The following ADGRL3 variants were observed in gnomAD, a reference collection of about 807,000 sequenced individuals.
ADGRL3 encodes calcium-independent alpha-latrotoxin receptor 3.
A neutral mutation model predicts 153.5 loss-of-function variants in ADGRL3; 62 were observed. That is an observed-to-expected ratio of 0.40 (90% CI 0.33 to 0.50). ADGRL3 has a LOEUF of 0.50. ADGRL3 is among the 20% of genes least tolerant of loss of function. ADGRL3 has a pLI of 0.47. For missense variants in ADGRL3, 1,641 were observed against 1,859.4 expected (o/e 0.88, Z 2.16); for synonymous variants, 710 against 672.5 (o/e 1.06, Z -0.86).
chr4:61,209,469 C>A (rs1442761275), intron 1 of ADGRL3, among the ~76,000 whole-genome samples: 1 of 151,908 alleles, frequency 6.6e-6, no homozygotes, highest in African/African-American at 2.4e-5. Context: ...TCCTTGAGTA[C>A]CATTATTAAG....
At chr4:61,568,014 G>A (rs1168808250) in intron 4 of ADGRL3, among the ~76,000 whole-genome samples, 2 of 152,068 alleles carry the variant, frequency 1.3e-5, no homozygotes, top group Non-Finnish European at 2.9e-5. Context: ...GAAGTAAATT[G>A]AGTCTAATTA....
At chr4:61,704,791 A>G (rs1197845827) in intron 6 of ADGRL3, among the ~76,000 whole-genome samples, 2 of 152,200 alleles carry the variant, frequency 1.3e-5, no homozygotes, top group Non-Finnish European at 2.9e-5. Flanking sequence ...CATTTCAACA[A>G]TGTTCACAAC....
At chr4:61,626,056 G>C (rs1347020734) in intron 5 of ADGRL3, among the ~76,000 whole-genome samples, 1 of 151,532 alleles carries the variant, frequency 6.6e-6, no homozygotes, top group East Asian at 1.9e-4. Context: ...ATATTTACAT[G>C]GCTTTCTATT....
intron 2 of ADGRL3, among the ~76,000 whole-genome samples, chr4:61,436,373 A>G (rs1238713895): frequency 6.6e-6 from 1 of 152,188 alleles, no homozygotes. Flanking sequence ...CATATGAAAA[A>G]TATACATTTA....
chr4:61,427,159 G>T (rs2097293268), intron 2 of ADGRL3: 1 of 152,348 alleles, frequency 6.6e-6, no homozygotes, highest in Non-Finnish European at 1.5e-5. Flanking sequence ...CATGTGGGAG[G>T]GAAAGCATTC....
At chr4:61,694,179 A>ATTTTTTTT (rs554084495) in intron 6 of ADGRL3, among the ~76,000 whole-genome samples, 5 of 26,702 alleles carry the variant, frequency 1.9e-4, no homozygotes, top group Non-Finnish European at 2.8e-4. Context: ...TTTTGTCATT[A>ATTTTTTTT]TTTTTTTTTT....
intron 1 of ADGRL3, among the ~76,000 whole-genome samples, chr4:61,355,977 T>C: frequency 6.6e-6 from 1 of 152,202 alleles, no homozygotes; most frequent in South Asian, 2.1e-4. Flanking sequence ...TAATAATTTA[T>C]AATGTATTTG....
intron 1 of ADGRL3, among the ~76,000 whole-genome samples, chr4:61,376,392 G>GTT (rs34714371): frequency 0.02 from 2,999 of 149,264 alleles, 100 homozygotes; most frequent in African/African-American, 0.068. Context: ...GTTAAATGCT[G>GTT]TTTTTTTTTT....
chr4:61,332,873 G>C (rs2150991792), intron 1 of ADGRL3, among the ~76,000 whole-genome samples: 1 of 152,126 alleles, frequency 6.6e-6, no homozygotes, highest in South Asian at 2.1e-4. Context: ...GTCTTTGAAG[G>C]CTCTGACGAT....
intron 2 of ADGRL3, among the ~76,000 whole-genome samples, chr4:61,489,077 G>A (rs2098229004): frequency 6.6e-6 from 1 of 151,744 alleles, no homozygotes; most frequent in Non-Finnish European, 1.5e-5. Context: ...CTCATTAATC[G>A]AATGCCTACT....
chr4:61,467,512 G>T (rs1274720013), intron 2 of ADGRL3, among the ~76,000 whole-genome samples: 4 of 148,192 alleles, frequency 2.7e-5, no homozygotes, highest in African/African-American at 1.0e-4. Flanking sequence ...GAGAGATGAA[G>T]GGAGGGAGGG....
At chr4:61,937,566 T>C (rs2150175902) in intron 15 of ADGRL3, among the ~76,000 whole-genome samples, 1 of 152,260 alleles carries the variant, frequency 6.6e-6, no homozygotes, top group East Asian at 1.9e-4. Context: ...CCAATCACTC[T>C]TTCCCCATTA....
intron 19 of ADGRL3, among the ~76,000 whole-genome samples, chr4:61,984,326 A>C (rs1399658016): frequency 2.0e-5 from 3 of 152,166 alleles, no homozygotes; most frequent in African/African-American, 7.2e-5. Flanking sequence ...AGTAGAGAAA[A>C]AGAAGAGGTA....
At chr4:61,938,599 C>G (rs907259462) in intron 15 of ADGRL3, among the ~76,000 whole-genome samples, 1 of 152,082 alleles carries the variant, frequency 6.6e-6, no homozygotes, top group Non-Finnish European at 1.5e-5. Context: ...TCACTGCTGC[C>G]GCAAGTGAAC....
At chr4:61,500,694 C>T (rs2152824437) in intron 3 of ADGRL3, among the ~76,000 whole-genome samples, 2 of 152,276 alleles carry the variant, frequency 1.3e-5, no homozygotes, top group South Asian at 4.1e-4. Context: ...TCCCTTTCCT[C>T]AGAGAAAATA....
chr4:61,608,170 C>G (rs1168019965), intron 5 of ADGRL3, among the ~76,000 whole-genome samples: 1 of 152,248 alleles, frequency 6.6e-6, no homozygotes, highest in African/African-American at 2.4e-5. Flanking sequence ...CTTCCACTGA[C>G]TGCCTCCTAC....
At chr4:61,569,133 A>C (rs189795067) in intron 4 of ADGRL3, among the ~76,000 whole-genome samples, 1 of 152,152 alleles carries the variant, frequency 6.6e-6, no homozygotes, top group African/African-American at 2.4e-5. Context: ...TTTCTTAGCT[A>C]TAAAGTCATG....
intron 6 of ADGRL3, among the ~76,000 whole-genome samples, chr4:61,699,780 G>A (rs2095713932): frequency 1.3e-5 from 2 of 152,132 alleles, no homozygotes; most frequent in Admixed American, 1.3e-4. Flanking sequence ...TATAGGAATA[G>A]ATAATGTTAA....
intron 2 of ADGRL3, among the ~76,000 whole-genome samples, chr4:61,449,693 A>G (rs1302276939): frequency 6.6e-6 from 1 of 152,120 alleles, no homozygotes; most frequent in Admixed American, 6.6e-5. Context: ...ATTTCCACAC[A>G]GGAAGCTATT....
Sources: allele counts gnomAD v4.1 joint callset (sites outside exome capture counted in the v4.1 genomes callset), GRCh38; gene constraint gnomAD v4.1.1; transcripts MANE v1.5; gene names NCBI Gene and HGNC (gene_info 2026-07-23, HGNC 2026-07-21).